Variants in AGL observed in about 807,000 individuals in gnomAD.
AGL encodes amylo-alpha-1,6-glucosidase and 4-alpha-glucanotransferase, also known as glycogen debranching enzyme.
A neutral mutation model predicts 199.3 loss-of-function variants in AGL; 128 were observed. That is an observed-to-expected ratio of 0.64 (90% CI 0.56 to 0.74). The LOEUF (loss-of-function observed/expected upper bound fraction) is 0.74, where lower values mean the gene tolerates loss of function less well. AGL is among the 30% of genes least tolerant of loss of function. AGL has a pLI of 0.00. For missense variants in AGL, 1,809 were observed against 1,820.8 expected (o/e 0.99, Z 0.12); for synonymous variants, 584 against 594.7 (o/e 0.98, Z 0.26).
At chr1:99,895,270 G>A (rs937431169) in intron 24 of AGL, among the ~76,000 whole-genome samples, 2 of 152,112 alleles carry the variant, frequency 1.3e-5, no homozygotes, top group African/African-American at 2.4e-5. Flanking sequence ...GGATGGTCTC[G>A]AATTCCTGAC....
chr1:99,872,820 C>T (rs557381804), intron 7 of AGL, among the ~76,000 whole-genome samples: 3 of 152,296 alleles, frequency 2.0e-5, no homozygotes, highest in Admixed American at 6.5e-5. Context: ...AGCCACCGCG[C>T]CCAGCCTTTT....
chr1:99,853,418 C>T (rs1649139624), intron 2 of AGL, among the ~76,000 whole-genome samples: 1 of 152,170 alleles, frequency 6.6e-6, no homozygotes, highest in South Asian at 2.1e-4. Context: ...TATGTGTTGC[C>T]TAAGTTTCAA....
At chr1:99,919,824 T>C (rs1428624184) in intron 33 of AGL, among the ~76,000 whole-genome samples, 2 of 152,208 alleles carry the variant, frequency 1.3e-5, no homozygotes, top group African/African-American at 4.8e-5. Flanking sequence ...GCCACCTCTA[T>C]GTGTGGAGCC....
intron 2 of AGL, among the ~76,000 whole-genome samples, chr1:99,854,567 C>T (rs1448639915): frequency 6.7e-6 from 1 of 150,096 alleles, no homozygotes; most frequent in Non-Finnish European, 1.5e-5. Flanking sequence ...TCGAGACTAT[C>T]CTGGCTAACA....
chr1:99,862,578 T>G (rs1290043797), intron 4 of AGL, among the ~76,000 whole-genome samples, 155 bp downstream of exon 4: 1 of 152,228 alleles, frequency 6.6e-6, no homozygotes, highest in East Asian at 1.9e-4. Flanking sequence ...GAGGTTTGAC[T>G]CACAGTTCCG....
At chr1:99,867,767 G>A (rs377574709) in intron 5 of AGL, among the ~76,000 whole-genome samples, 1 of 152,164 alleles carries the variant, frequency 6.6e-6, no homozygotes, top group Non-Finnish European at 1.5e-5. Flanking sequence ...TATTGGCCAG[G>A]TTCGTCTCAA....
chr1:99,890,183 A>G (rs976169544), intron 21 of AGL, among the ~76,000 whole-genome samples: 3 of 152,192 alleles, frequency 2.0e-5, no homozygotes, highest in African/African-American at 4.8e-5. Context: ...TACAAAACCA[A>G]CTAACCAATT....
chr1:99,903,435 T>C (rs1654008642), intron 27 of AGL, among the ~76,000 whole-genome samples: 1 of 152,186 alleles, frequency 6.6e-6, no homozygotes, highest in Admixed American at 6.5e-5. Flanking sequence ...GGTTTCCAGC[T>C]TCATCCATGT....
intron 33 of AGL, among the ~76,000 whole-genome samples, chr1:99,919,097 C>G (rs971943048): frequency 6.6e-6 from 1 of 152,170 alleles, no homozygotes; most frequent in East Asian, 1.9e-4. Context: ...CTCTAGTACT[C>G]TATCCTGCAA....
chr1:99,867,648 C>T (rs953707833), intron 5 of AGL, among the ~76,000 whole-genome samples: 2 of 151,798 alleles, frequency 1.3e-5, no homozygotes, highest in Admixed American at 6.6e-5. Context: ...CTCCACCTCC[C>T]GGGTTCAAGC....
intron 7 of AGL, among the ~76,000 whole-genome samples, chr1:99,874,031 A>G (rs1651255745): frequency 6.6e-6 from 1 of 152,100 alleles, no homozygotes; most frequent in Non-Finnish European, 1.5e-5. Flanking sequence ...AAAACCATTT[A>G]TTTCCTTTTT....
chr1:99,878,031 A>G (rs1177839488), intron 12 of AGL, among the ~76,000 whole-genome samples: 1 of 152,236 alleles, frequency 6.6e-6, no homozygotes, highest in Non-Finnish European at 1.5e-5. Flanking sequence ...GCTATAAAAT[A>G]TTTAACTAGC....
At chr1:99,903,031 CCATGAACTG>C (rs1291433654) in intron 27 of AGL, among the ~76,000 whole-genome samples, 2 of 152,092 alleles carry the variant, frequency 1.3e-5, no homozygotes. Context: ...ATAATAATCG[CCATGAACTG>C]CATGCTTACT....
At chr1:99,872,105 A>G (rs1024350699) in intron 7 of AGL, among the ~76,000 whole-genome samples, 1 of 152,210 alleles carries the variant, frequency 6.6e-6, no homozygotes, top group East Asian at 1.9e-4. Context: ...TAACCTCTGT[A>G]TAGCAATATG....
intron 30 of AGL, among the ~76,000 whole-genome samples, chr1:99,914,840 G>A (rs947732601): frequency 3.9e-5 from 6 of 152,244 alleles, no homozygotes; most frequent in East Asian, 3.9e-4. Context: ...ACTTTGGGAG[G>A]CTGAGGTTGG....
intron 25 of AGL, 142 bp downstream of exon 25, chr1:99,896,530 T>G: frequency 1.4e-6 from 1 of 717,608 alleles, no homozygotes. Flanking sequence ...TATTTTTGTA[T>G]GTTCACTTAA....
chr1:99,862,150 A>T, intron 3 of AGL, 107 bp from the exon 4 acceptor site: 1 of 1,127,664 alleles, frequency 8.9e-7, no homozygotes, highest in South Asian at 1.3e-5. Flanking sequence ...AGAAATAAAT[A>T]CATTTTATTT....
chr1:99,861,413 G>T, intron 2 of AGL, 90 bp from the exon 3 acceptor site: 1 of 1,580,576 alleles, frequency 6.3e-7, no homozygotes, highest in South Asian at 1.2e-5. Flanking sequence ...GAAAAATCAA[G>T]GTTTTTTAAT....
chr1:99,876,614 T>C lies in AGL; in HGVS notation c.1423+17T>C. The C allele has an allele frequency of 6.2e-7, 1 of 1,613,620 alleles. No individual in the cohort carries two copies. The highest frequency in any genetic ancestry group is 8.5e-7 in the Non-Finnish European group (1 of 1,179,638). Reference sequence around the variant, plus strand: ...CTGAACCGGGTATGTAATTTTTAACTTCTCTGTGGATGGGGAAAGAATAGT... The same window carrying C: ...CTGAACCGGGTATGTAATTTTTAACCTCTCTGTGGATGGGGAAAGAATAGT... On this transcript the variant is annotated intron_variant, in intron 11 of 33. Coordinates refer to ENST00000361915, the MANE Select transcript of AGL (RefSeq NM_000642.3).
Sources: gnomAD v4.1 joint callset for allele counts (sites outside exome capture counted in the v4.1 genomes callset) on GRCh38, gnomAD v4.1.1 for gene constraint, MANE v1.5 for transcripts, NCBI Gene and HGNC (gene_info 2026-07-23, HGNC 2026-07-21) for gene names.